MAP2K5: variants seen among roughly 807,000 people sequenced by gnomAD.
MAP2K5 encodes dual specificity mitogen-activated protein kinase kinase 5.
Under a neutral mutation model 83.1 loss-of-function variants are expected in MAP2K5, and 49 were observed. The observed-to-expected ratio is 0.59, with a 90% confidence interval of 0.47 to 0.75. The LOEUF (loss-of-function observed/expected upper bound fraction) is 0.75. Among genes scored for constraint, MAP2K5 ranks in the 30% least tolerant of loss-of-function variants. MAP2K5 has a pLI of 0.00. For missense variants in MAP2K5, 457 were observed against 557.5 expected (o/e 0.82, Z 1.82); for synonymous variants, 202 against 191.8 (o/e 1.05, Z -0.44).
At chr15:67,626,022 CT>C (rs1310696073) in intron 8 of MAP2K5, among the ~76,000 whole-genome samples, 2 of 152,118 alleles carry the variant, frequency 1.3e-5, no homozygotes, top group Non-Finnish European at 2.9e-5. Flanking sequence ...CAACACTGAT[CT>C]TTTTACAACT....
Position 67,565,086 on chromosome 15 carries a change from C to T in MAP2K5, c.252+1736C>T, listed in dbSNP as rs1001376366. Among the ~76,000 whole-genome samples, 11 of 152,210 alleles carry T rather than the reference C, an allele frequency of 7.2e-5. No individual in the cohort carries two copies. The highest frequency in any genetic ancestry group is 2.1e-4 in the South Asian group (1 of 4,820). ...GAGGAAGCTGTGGTTAAGAGATAAGCCCAAGGTCTTAGAGCTAGTATGAAT... is the reference window on the plus strand; with the variant it reads ...GAGGAAGCTGTGGTTAAGAGATAAGTCCAAGGTCTTAGAGCTAGTATGAAT... On this transcript the variant is annotated intron_variant, in intron 3 of 21. Transcript: ENST00000178640. This position sits in a 1 kb window ranked among gnomAD's most constrained non-coding sequence, Gnocchi z 4.1.
rs1037682329 is a variant in MAP2K5 at position 67,562,951 on chromosome 15, G to A, written c.185-332G>A. On this transcript the variant is annotated intron_variant, in intron 2 of 21. Coordinates refer to ENST00000178640, the MANE Select transcript of MAP2K5 (RefSeq NM_145160.3). This position sits in a 1 kb window ranked among gnomAD's most constrained non-coding sequence, Gnocchi z 4.1. ...TTGGGAGATTTAAAAAGTGTGGATA[G>A]TAGAACAAGACTGGCCTCTCGTTGG... 6.6e-6 allele frequency among the ~76,000 whole-genome samples: 1 copy of A among 152,128 alleles called. No homozygotes were observed. The highest frequency in any genetic ancestry group is 1.5e-5 in the Non-Finnish European group (1 of 68,032).
rs992029937 is a variant in MAP2K5 at position 67,563,824 on chromosome 15, G to A, written c.252+474G>A. ...ATGCACTACCCATAATACTCCCACC[G>A]AAAATGAACTACAGGGCTACTTACT... On this transcript the variant is annotated intron_variant, in intron 3 of 21. Coordinates refer to ENST00000178640, the MANE Select transcript of MAP2K5 (RefSeq NM_145160.3). The surrounding 1 kb of genome is among the most constrained non-coding windows in gnomAD (Gnocchi z 4.5). Among the ~76,000 whole-genome samples the A allele has an allele frequency of 2.0e-5, 3 of 152,092 alleles. No homozygotes were observed. Among genetic ancestry groups the A allele is most frequent in the Non-Finnish European group, 2.9e-5 (2 of 68,028 alleles).
In MAP2K5 at chr15:67,787,084, G is replaced by A. The variant is rs914930245; in HGVS notation, c.1242+14332G>A. Among the ~76,000 whole-genome samples the A allele has an allele frequency of 2.8e-4, 43 of 152,156 alleles. 1 individual carries two copies. Among genetic ancestry groups the A allele is most frequent in the African/African-American group, 9.9e-4 (41 of 41,440 alleles). On this transcript the variant is annotated intron_variant, in intron 21 of 21. Transcript: ENST00000178640. ...CCAGAGAGTAGTGGGGCAGTTGGAC[G>A]CACTTGTTGGTTCTTAAGCAGGGAA...
intron 16 of MAP2K5, among the ~76,000 whole-genome samples, chr15:67,707,565 G>T (rs1269463637): frequency 6.6e-6 from 1 of 152,192 alleles, no homozygotes; most frequent in African/African-American, 2.4e-5. Context: ...AGGCCCTGGA[G>T]AGTGGGGCAC....
intron 9 of MAP2K5, among the ~76,000 whole-genome samples, chr15:67,633,271 TG>T (rs1555534515): frequency 6.6e-6 from 1 of 152,226 alleles, no homozygotes; most frequent in Non-Finnish European, 1.5e-5. Flanking sequence ...GTTACTTTTT[TG>T]TTCCTTTTAT....
chr15:67,656,088 A>G (rs1341230110), intron 11 of MAP2K5, among the ~76,000 whole-genome samples: 1 of 152,212 alleles, frequency 6.6e-6, no homozygotes. Flanking sequence ...GGGAACAAAG[A>G]AAAGTGACAG....
intron 13 of MAP2K5, among the ~76,000 whole-genome samples, chr15:67,675,144 C>T (rs1010485226): frequency 1.3e-5 from 2 of 152,178 alleles, no homozygotes; most frequent in Non-Finnish European, 2.9e-5. Context: ...AAAACCTGTA[C>T]GCAAGTGTTT....
chr15:67,793,487 C>A lies in MAP2K5; in HGVS notation c.1243-13159C>A, dbSNP rs974338580. Reference sequence around the variant, plus strand: ...GTTCTTGTTCCTCCCTTTAACACACCTTCGTCTTCTCCTTCTATTTGGCTG... The same window carrying A: ...GTTCTTGTTCCTCCCTTTAACACACATTCGTCTTCTCCTTCTATTTGGCTG... On this transcript the variant is annotated intron_variant, in intron 21 of 21. Transcript: ENST00000178640. This position sits in a 1 kb window ranked among gnomAD's most constrained non-coding sequence, Gnocchi z 4.6. 6.6e-6 allele frequency among the ~76,000 whole-genome samples: 1 copy of A among 152,150 alleles called. No individual in the cohort carries two copies. The highest frequency in any genetic ancestry group is 2.4e-5 in the African/African-American group (1 of 41,434).
rs1180834100 is a variant in MAP2K5 at position 67,755,258 on chromosome 15, G to A, written c.1134+6657G>A. Among the ~76,000 whole-genome samples the A allele has an allele frequency of 6.6e-6, 1 of 152,166 alleles. No individual in the cohort carries two copies. The highest frequency in any genetic ancestry group is 2.4e-5 in the African/African-American group (1 of 41,436). On this transcript the variant is annotated intron_variant, in intron 19 of 21. Coordinates refer to ENST00000178640, the MANE Select transcript of MAP2K5 (RefSeq NM_145160.3). This position sits in a 1 kb window ranked among gnomAD's most constrained non-coding sequence, Gnocchi z 4.7. ...CTCCCAAAGTGCTAAGATTACAGGT[G>A]TGAGCCACCACTCCTGGCTTTTAGA...
At position 67,641,584 on chromosome 15, in the gene MAP2K5, C is replaced by T. The variant is rs997400768; in HGVS notation, c.586-4647C>T. On this transcript the variant is annotated intron_variant, in intron 9 of 21. Transcript: ENST00000178640. ...AGTAAATTATAATTCAGTCACTTGA[C>T]TGCTTATATTTAACTTGACAACTCA... The T allele has an allele frequency of 1.3e-5, 13 of 997,252 alleles. No homozygotes were observed. The East Asian group carries it at 1.4e-3, about 104-fold the overall frequency. The allele number at this position is 997,252 out of a possible 1,614,324, so 61.8% of individuals were successfully genotyped here.
intron 13 of MAP2K5, among the ~76,000 whole-genome samples, chr15:67,670,792 A>G (rs1467863894): frequency 1.3e-5 from 2 of 152,168 alleles, no homozygotes; most frequent in African/African-American, 4.8e-5. Flanking sequence ...AGACAGGGTC[A>G]GGGAAGGAAG....
chr15:67,646,362 C>G, intron 10 of MAP2K5, 26 bp from the exon 11 acceptor site: 2 of 1,472,288 alleles, frequency 1.4e-6, no homozygotes, highest in Non-Finnish European at 1.9e-6. Context: ...AGGTTTATAA[C>G]TACTTTTGTC....
chr15:67,785,443 A>G lies in MAP2K5; in HGVS notation c.1242+12691A>G, dbSNP rs2090399622. 6.6e-6 allele frequency among the ~76,000 whole-genome samples: 1 copy of G among 152,186 alleles called. No homozygotes were observed. Reference sequence around the variant, plus strand: ...GCAGCAAGCAGTTCACAGGACGACTACTTGAGTGGCACAGCTGTAGGGAAT... The same window carrying G: ...GCAGCAAGCAGTTCACAGGACGACTGCTTGAGTGGCACAGCTGTAGGGAAT... On this transcript the variant is annotated intron_variant, in intron 21 of 21. Coordinates refer to ENST00000178640, the MANE Select transcript of MAP2K5 (RefSeq NM_145160.3). The surrounding 1 kb of genome is among the most constrained non-coding windows in gnomAD (Gnocchi z 4.4).
intron 7 of MAP2K5, among the ~76,000 whole-genome samples, chr15:67,599,564 A>G (rs1456337201): frequency 6.6e-6 from 1 of 152,228 alleles, no homozygotes; most frequent in Non-Finnish European, 1.5e-5. Context: ...AGAGTAGAGC[A>G]AAATATTTAA....
Position 67,806,740 on chromosome 15 carries a change from GGCC to G in MAP2K5, c.1338_1340del (p.Pro447del), listed in dbSNP as rs2090818431. 9 of 1,554,350 alleles carry G rather than the reference GGCC, an allele frequency of 5.8e-6. No individual in the cohort carries two copies. Among genetic ancestry groups the G allele is most frequent in the Non-Finnish European group, 7.8e-6 (9 of 1,150,960 alleles). On this transcript the variant is annotated inframe_deletion, in exon 22 of 22. Transcript: ENST00000178640. Reference sequence around the variant, plus strand: ...CTGGAGGAGAGGCGGAGCCAGCAGGGGCCCCCGTGAGGCTGCCGCAGGGCACTG... The same window carrying G: ...CTGGAGGAGAGGCGGAGCCAGCAGGGCCCGTGAGGCTGCCGCAGGGCACTG...
chr15:67,651,437 T>A (rs1245022893), intron 11 of MAP2K5, among the ~76,000 whole-genome samples: 1 of 152,214 alleles, frequency 6.6e-6, no homozygotes, highest in East Asian at 1.9e-4. Flanking sequence ...TTAATTGTGA[T>A]CACTCTGTTG....
intron 15 of MAP2K5, among the ~76,000 whole-genome samples, chr15:67,701,933 G>A (rs1055915715): frequency 4.6e-5 from 7 of 152,258 alleles, no homozygotes; most frequent in Non-Finnish European, 7.4e-5. Context: ...TCCTGGCTCC[G>A]CTCCTGGACA....
chr15:67,791,443 T>TA (rs1380677705), intron 21 of MAP2K5, among the ~76,000 whole-genome samples: 1 of 152,212 alleles, frequency 6.6e-6, no homozygotes, highest in Non-Finnish European at 1.5e-5. Flanking sequence ...ATTACCATCT[T>TA]AGAGTGCAGT....
Sources: gnomAD v4.1 joint callset for allele counts (sites outside exome capture counted in the v4.1 genomes callset) on GRCh38, gnomAD v4.1.1 for gene constraint, Gnocchi (gnomAD v3.1) non-coding constraint, MANE v1.5 for transcripts, NCBI Gene and HGNC (gene_info 2026-07-23, HGNC 2026-07-21) for gene names.